The following RIF1 variants were observed in gnomAD, a reference collection of about 807,000 sequenced individuals.
RIF1 encodes replication timing regulatory factor 1.
In RIF1, 45 loss-of-function variants were observed where a neutral mutation model predicts 247.1. That is an observed-to-expected ratio of 0.18 (90% confidence interval 0.14 to 0.23). The LOEUF (loss-of-function observed/expected upper bound fraction) is 0.23. RIF1 is among the 10% of genes least tolerant of loss of function. The pLI is 1.00. For synonymous variants in RIF1, 1,087 were observed against 978.8 expected, an observed-to-expected ratio of 1.11 and a Z score of -2.06; for missense variants, 2,967 against 2,862.5, an observed-to-expected ratio of 1.04 and a Z score of -0.83.
rs778102984 is a variant in RIF1, at chr2:151,506,166, C to T, written c.*862-44C>T. ...GCAAGTGCATTCACTGTGTCTTTAC[C>T]GAGCTAATGTGGTCCTGTGTTTGTT... is the stretch of plus-strand genomic sequence containing the variant. On this transcript the variant is annotated intron_variant and NMD_transcript_variant, in intron 12 of 13. Coordinates refer to the RIF1 transcript ENST00000454583. 8.1e-6 allele frequency: 13 copies of T among 1,606,962 alleles called. No homozygotes were observed. The highest frequency in any genetic ancestry group is 6.7e-5 in the East Asian group (3 of 44,852).
rs186625113 is a variant in RIF1, at chr2:151,441,977, A to G, written c.1720A>G (p.Met574Val). The G allele has an allele frequency of 3.8e-5, 57 of 1,504,824 alleles. No homozygotes were observed. The Admixed American group carries it at 7.7e-4, about 20-fold the overall frequency. 93.2% of individuals were successfully genotyped at this position (1,504,824 alleles called of 1,614,324 possible). Residue 574 changes from methionine to valine, a missense_variant, in exon 16 of 36, where the codon ATG (methionine) becomes GTG (valine). Physicochemically the swap from Met to Val is conservative, Grantham distance 21. This residue lies in a region of RIF1 where 369 missense variants were observed against 322.0 expected (regional missense o/e 1.15). Transcript: ENST00000444746. ...TTCACCAGCATATCAGGTTGCTAAT[A>G]TGGATATTCTTAATGCAAGTATCTT... ...LGSPAYQVAN[M>V]DILNGTPALF... is the part of the protein sequence containing the mutation.
At chr2:151,527,654 C>T in the RIF1 span, 2 of 1,082,630 alleles carry the variant, frequency 1.8e-6, no homozygotes, top group South Asian at 1.4e-5. Flanking sequence ...ACACATGGCA[C>T]AGAGGGGCTC....
rs1194642396 is a variant in RIF1, at chr2:151,410,433, A to G, written c.10A>G (p.Arg4Gly). 1.9e-6 allele frequency: 3 copies of G among 1,612,936 alleles called. No homozygotes were observed. The highest frequency in any genetic ancestry group is 4.5e-5 in the East Asian group (2 of 44,754). The change falls in exon 2 of 36, where the codon AGG (arginine) becomes GGG (glycine). Residue 4 changes from arginine (R) to glycine (G), a missense_variant. Coordinates refer to ENST00000444746, the MANE Select transcript of RIF1 (RefSeq NM_018151.5). ...CCTCAGGGTGGCCGACATGACGGCC[A>G]GGGGTCAGAGCCCCCTCGCGCCGCT... Reference protein sequence around the residue: MTARGQSPLAPLLE... With the variant: MTAGGQSPLAPLLE...
rs1238608087 is a variant in RIF1 at position 151,465,448 on chromosome 2, T to C, written c.5928T>C (p.Ser1976=). 9.3e-6 allele frequency: 15 copies of C among 1,613,978 alleles called. No homozygotes were observed. The highest frequency in any genetic ancestry group is 1.3e-5 in the Non-Finnish European group (15 of 1,180,012). The change falls in exon 30 of 36, where the codon TCT becomes TCC. Residue 1976 remains serine, a synonymous_variant. Transcript: ENST00000444746. ...AATTTAATTCAGATATTAGTCTTTC[T>C]GATAATACTACACCTGTAAAATTGA... The part of the protein sequence containing the change: ...TEEFNSDISL[S]DNTTPVKLNA...
Position 151,490,498 on chromosome 2 carries a change from G to A in RIF1, c.*416-4731G>A, listed in dbSNP as rs561904743. On this transcript the variant is annotated intron_variant and NMD_transcript_variant, in intron 9 of 13. Coordinates refer to the RIF1 transcript ENST00000454583. ...GCACTGGCAGATCGTGACTGCTCCC[G>A]GCTCCGGCGCTGAGCTTGGACTGGG... The A allele has an allele frequency of 4.4e-5, 71 of 1,609,264 alleles. 1 individual carries two copies. The South Asian group carries it at 5.9e-4, about 13-fold the overall frequency.
rs763197764 is a variant in RIF1 at position 151,465,701 on chromosome 2, G to A, written c.6181G>A (p.Ala2061Thr). The A allele has an allele frequency of 1.2e-6, 2 of 1,614,176 alleles. No individual in the cohort carries two copies. Among genetic ancestry groups the A allele is most frequent in the Non-Finnish European group, 1.7e-6 (2 of 1,180,036 alleles). ...PDEAETNMLT[A>T]EMDNFVCDTV... ...TGAAGCTGAAACAAACATGTTGACT[G>A]CAGAAATGGACAACTTTGTTTGTGA... The change falls in exon 30 of 36, where the codon GCA (alanine) becomes ACA (threonine). Residue 2061 changes from alanine to threonine, a missense_variant. Ala to Thr is a moderately conservative substitution (Grantham distance 58, BLOSUM62 0). Transcript: ENST00000444746.
chr2:151,445,774 A>G (rs1278407674), intron 19 of RIF1, among the ~76,000 whole-genome samples: 2 of 152,072 alleles, frequency 1.3e-5, no homozygotes, highest in East Asian at 1.9e-4. Flanking sequence ...CCTGACCTCA[A>G]GTGATCCACC....
In RIF1 at chr2:151,443,580, T is replaced by G; in HGVS notation, c.1857T>G (p.Thr619=). Residue 619 remains threonine (T), a synonymous_variant, in exon 18 of 36, where the codon ACT becomes ACG. Coordinates refer to ENST00000444746, the MANE Select transcript of RIF1 (RefSeq NM_018151.5). ...SLVGCVLSGP[T]SPLAFSDSVL... ...TAGGCTGTGTTCTTTCTGGTCCAAC[T>G]TCACCACTAGCTTTCAGTGACTCAG... 3.1e-6 allele frequency: 5 copies of G among 1,611,374 alleles called. No homozygotes were observed. Among genetic ancestry groups the G allele is most frequent in the Non-Finnish European group, 4.2e-6 (5 of 1,179,252 alleles).
In RIF1 at chr2:151,439,891, T is replaced by C. The variant is rs1691951315; in HGVS notation, c.1547-136T>C. 13 of 521,274 alleles carry C rather than the reference T, an allele frequency of 2.5e-5. No homozygotes were observed. In the South Asian group the frequency reaches 3.1e-4, roughly 13 times the overall value. 32.3% of individuals were successfully genotyped at this position (521,274 alleles called of 1,614,324 possible). Reference sequence around the variant, plus strand: ...AGGAAGCTGAGGCAGGAGAATCGCTTGAACCCAGGAAGTGGTGGTTGCAGT... The same window carrying C: ...AGGAAGCTGAGGCAGGAGAATCGCTCGAACCCAGGAAGTGGTGGTTGCAGT... On this transcript the variant is annotated intron_variant, in intron 14 of 35. Coordinates refer to ENST00000444746, the MANE Select transcript of RIF1 (RefSeq NM_018151.5).
chr2:151,425,392 G>T (rs1688871280), intron 8 of RIF1, among the ~76,000 whole-genome samples: 1 of 151,990 alleles, frequency 6.6e-6, no homozygotes, highest in African/African-American at 2.4e-5. Context: ...TTTTGGTGAA[G>T]TATAATATAT....
chr2:151,496,391 G>C (rs1320177771), intron 10 of RIF1: 1 of 1,587,656 alleles, frequency 6.3e-7, no homozygotes, highest in Admixed American at 1.8e-5. Flanking sequence ...AAAGCATCCA[G>C]AAAAACAACC....
intron 3 of RIF1, among the ~76,000 whole-genome samples, chr2:151,414,426 A>G (rs1029962238): frequency 6.6e-6 from 1 of 152,202 alleles, no homozygotes; most frequent in Non-Finnish European, 1.5e-5. Flanking sequence ...TCCTTCTCCC[A>G]GTCTTAGAGG....
chr2:151,443,107 A>G, intron 16 of RIF1, 152 bp from the exon 17 acceptor site: 1 of 555,534 alleles, frequency 1.8e-6, no homozygotes, highest in South Asian at 2.7e-5. Context: ...AGTATATGGA[A>G]ATAATTTTAC....
chr2:151,428,765 G>T lies in RIF1; in HGVS notation c.787-19G>T. Reference sequence around the variant, plus strand: ...TCATGCAGATAAATAACTTCTTAATGATTTTTTCCCCTTTTTAGACCTTGC... The same window carrying T: ...TCATGCAGATAAATAACTTCTTAATTATTTTTTCCCCTTTTTAGACCTTGC... On this transcript the variant is annotated intron_variant, in intron 8 of 35. Coordinates refer to ENST00000444746, the MANE Select transcript of RIF1 (RefSeq NM_018151.5). The T allele has an allele frequency of 6.3e-7, 1 of 1,576,608 alleles. No individual in the cohort carries two copies. The highest frequency in any genetic ancestry group is 1.1e-5 in the South Asian group (1 of 89,638).
chr2:151,518,445 G>C, the RIF1 span: 1 of 1,440,598 alleles, frequency 6.9e-7, no homozygotes, highest in African/African-American at 1.4e-5. Flanking sequence ...CGGCAAAAAA[G>C]GCACATTGAT....
At chr2:151,460,833 C>T (rs1186169926) in intron 26 of RIF1, among the ~76,000 whole-genome samples, 1 of 152,198 alleles carries the variant, frequency 6.6e-6, no homozygotes, top group Non-Finnish European at 1.5e-5. Flanking sequence ...TGCAAATATA[C>T]TCTCCTCCTG....
At chr2:151,514,929 CTAATG>C in the RIF1 span, 2 of 1,538,348 alleles carry the variant, frequency 1.3e-6, no homozygotes, top group African/African-American at 1.4e-5. Flanking sequence ...TATATTCTTT[CTAATG>C]TAAGTAGGAA....
chr2:151,514,083 T>C, the RIF1 span, among the ~76,000 whole-genome samples: 2 of 152,212 alleles, frequency 1.3e-5, no homozygotes, highest in African/African-American at 4.8e-5. Flanking sequence ...AATCAAATAA[T>C]ATTAGATAAT....
intron 7 of RIF1, among the ~76,000 whole-genome samples, chr2:151,421,480 G>A (rs1688155988): frequency 6.6e-6 from 1 of 152,160 alleles, no homozygotes; most frequent in South Asian, 2.1e-4. Flanking sequence ...ATGAGAGTGA[G>A]AGGAAAAGAG....
Sources: gnomAD v4.1 joint callset for allele counts (sites outside exome capture counted in the v4.1 genomes callset) on GRCh38, gnomAD v4.1.1 for gene constraint, gnomAD v4.1.1 regional missense constraint, MANE v1.5 for transcripts, NCBI Gene and HGNC (gene_info 2026-07-23, HGNC 2026-07-21) for gene names.